Variants in SAMSN1 observed in about 807,000 individuals in gnomAD.
The protein encoded by SAMSN1 is SAM domain-containing protein SAMSN-1.
SAMSN1 carries 31 observed loss-of-function variants against 42.0 expected under a neutral mutation model. That is an observed-to-expected ratio of 0.74 (90% CI 0.55 to 1.00). The LOEUF is 1.00. SAMSN1 is among the 50% of genes least tolerant of loss of function. The pLI is 0.00. For synonymous variants in SAMSN1, 178 were observed against 151.9 expected (o/e 1.17, Z -1.26); for missense variants, 464 against 439.4 (o/e 1.06, Z -0.50).
At chr21:14,596,807 G>T (rs1050709029) in intron 6 of SAMSN1, among the ~76,000 whole-genome samples, 1 of 152,080 alleles carries the variant, frequency 6.6e-6, no homozygotes, top group Non-Finnish European at 1.5e-5. Flanking sequence ...CACCTTGAGC[G>T]ACACTAACCA....
chr21:14,485,651 C>T lies in SAMSN1; in HGVS notation c.*261G>A, dbSNP rs1986401400. 3.3e-6 allele frequency: 1 copy of T among 301,482 alleles called. No individual in the cohort carries two copies. The highest frequency in any genetic ancestry group is 2.2e-5 in the African/African-American group (1 of 45,956). The allele number at this position is 301,482 out of a possible 1,614,324, so 18.7% of individuals were successfully genotyped here. A position where few individuals can be genotyped will look rare whatever the true frequency, so the allele number is the denominator to read the frequency against. On this transcript the variant is annotated 3_prime_UTR_variant, in exon 8 of 8. Coordinates refer to ENST00000400566, the MANE Select transcript of SAMSN1 (RefSeq NM_022136.5). ...CAAATAAAGCATATGTCACACATACCAAAGTCTTACATTTTGCCTTTCTAA... is the reference window on the plus strand; with the variant it reads ...CAAATAAAGCATATGTCACACATACTAAAGTCTTACATTTTGCCTTTCTAA...
chr21:14,605,018 G>T (rs1320786868), intron 5 of SAMSN1, among the ~76,000 whole-genome samples: 2 of 152,210 alleles, frequency 1.3e-5, no homozygotes, highest in Non-Finnish European at 2.9e-5. Flanking sequence ...GAACTACATG[G>T]TAGATTACCA....
intron 2 of SAMSN1, among the ~76,000 whole-genome samples, chr21:14,622,995 C>T (rs1460756790): frequency 6.6e-6 from 1 of 152,140 alleles, no homozygotes; most frequent in Non-Finnish European, 1.5e-5. Context: ...AATTTTCAAC[C>T]CAGAATTTCA....
intron 2 of SAMSN1, among the ~76,000 whole-genome samples, chr21:14,581,677 A>C (rs1981736150): frequency 2.0e-5 from 3 of 151,884 alleles, no homozygotes; most frequent in Admixed American, 1.3e-4. Flanking sequence ...ATATTTCTTA[A>C]GGTAATATTT....
chr21:14,487,906 T>G (rs1986506293), intron 7 of SAMSN1, among the ~76,000 whole-genome samples: 1 of 152,170 alleles, frequency 6.6e-6, no homozygotes, highest in Admixed American at 6.6e-5. Flanking sequence ...GCATTTTGTG[T>G]GCATTATTCA....
intron 2 of SAMSN1, among the ~76,000 whole-genome samples, chr21:14,629,277 G>A (rs73894110): frequency 0.012 from 1,801 of 152,160 alleles, 26 homozygotes; most frequent in African/African-American, 0.04. Context: ...TGTTTTAAAG[G>A]TATTAATTAT....
chr21:14,632,169 G>A (rs1983346897), intron 2 of SAMSN1, among the ~76,000 whole-genome samples: 1 of 151,910 alleles, frequency 6.6e-6, no homozygotes, highest in African/African-American at 2.4e-5. Flanking sequence ...TGTGGTAGTA[G>A]CTGCTTGATT....
chr21:14,508,570 G>A (rs1251012814), intron 5 of SAMSN1, among the ~76,000 whole-genome samples: 2 of 152,172 alleles, frequency 1.3e-5, no homozygotes, highest in South Asian at 2.1e-4. Flanking sequence ...ATGTTAGCAT[G>A]GATGTACTGA....
intron 5 of SAMSN1, among the ~76,000 whole-genome samples, chr21:14,506,107 C>T (rs1987389027): frequency 6.6e-6 from 1 of 151,780 alleles, no homozygotes; most frequent in African/African-American, 2.4e-5. Context: ...CCCTAAACAC[C>T]TACATCAAAA....
chr21:14,523,771 C>T lies in SAMSN1; in HGVS notation c.58-2550G>A, dbSNP rs377541995. 7.9e-5 allele frequency among the ~76,000 whole-genome samples: 12 copies of T among 152,210 alleles called. No individual in the cohort carries two copies. The South Asian group carries it at 1.2e-3, about 16-fold the overall frequency. ...ATGGGTCCTGTTGCACAGGAGGGCA[C>T]AGAATAGACTCGTTTCAGCATTTTG... is the stretch of plus-strand genomic sequence containing the variant. On this transcript the variant is annotated intron_variant, in intron 1 of 7. Coordinates refer to ENST00000400566, the MANE Select transcript of SAMSN1 (RefSeq NM_022136.5).
chr21:14,512,168 T>C (rs1053833110), intron 4 of SAMSN1, among the ~76,000 whole-genome samples: 1 of 152,210 alleles, frequency 6.6e-6, no homozygotes, highest in Non-Finnish European at 1.5e-5. Flanking sequence ...ATTTTAAAGA[T>C]GCAGGTTTAA....
intron 3 of SAMSN1, among the ~76,000 whole-genome samples, chr21:14,613,394 G>A (rs1003724429): frequency 3.3e-4 from 50 of 152,128 alleles, no homozygotes; most frequent in Admixed American, 1.3e-4. Flanking sequence ...TACCATCTGA[G>A]CCCACTGAGC....
intron 1 of SAMSN1, among the ~76,000 whole-genome samples, chr21:14,543,803 C>A (rs1438398263): frequency 1.3e-5 from 2 of 152,004 alleles, no homozygotes; most frequent in Non-Finnish European, 2.9e-5. Context: ...AAATTCCTTT[C>A]ACAAATTCTA....
chr21:14,639,852 G>A (rs921020354), intron 2 of SAMSN1, among the ~76,000 whole-genome samples: 4 of 152,076 alleles, frequency 2.6e-5, no homozygotes, highest in Non-Finnish European at 5.9e-5. Context: ...TATACTGCAA[G>A]TGGATCACCT....
At chr21:14,510,098 C>T (rs1987615488) in intron 5 of SAMSN1, among the ~76,000 whole-genome samples, 1 of 151,048 alleles carries the variant, frequency 6.6e-6, no homozygotes, top group African/African-American at 2.4e-5. Flanking sequence ...GAGATTGCGC[C>T]ACTGCACTCC....
chr21:14,558,018 A>C (rs1039348273), intron 2 of SAMSN1, among the ~76,000 whole-genome samples: 1 of 152,150 alleles, frequency 6.6e-6, no homozygotes, highest in African/African-American at 2.4e-5. Flanking sequence ...ACCTCCACAA[A>C]GGGCTTTCTC....
intron 1 of SAMSN1, among the ~76,000 whole-genome samples, chr21:14,536,753 A>C (rs1979647647): frequency 2.6e-5 from 4 of 152,218 alleles, no homozygotes; most frequent in Admixed American, 2.6e-4. Flanking sequence ...GACTGTAAAC[A>C]ATGGAATGAG....
intron 2 of SAMSN1, among the ~76,000 whole-genome samples, chr21:14,519,514 A>G (rs1978328668): frequency 6.6e-6 from 1 of 152,104 alleles, no homozygotes; most frequent in Non-Finnish European, 1.5e-5. Flanking sequence ...ACACACACAC[A>G]CAAACACATA....
rs141980161 is a variant in SAMSN1, at chr21:14,499,280, G to A, written c.769-688C>T. Among the ~76,000 whole-genome samples the A allele has an allele frequency of 5.4e-3, 818 of 152,070 alleles. 11 individuals carry two copies. The highest frequency in any genetic ancestry group is 0.018 in the African/African-American group (762 of 41,504). ...ATTAGTTTAAAATTCATAGGTTTCC[G>A]ATTTCAAAGTCTGTATGTTATTTTG... On this transcript the variant is annotated intron_variant, in intron 6 of 7. Transcript: ENST00000400566.
Sources: gnomAD v4.1 joint callset for allele counts (sites outside exome capture counted in the v4.1 genomes callset) on GRCh38, gnomAD v4.1.1 for gene constraint, MANE v1.5 for transcripts, NCBI Gene and HGNC (gene_info 2026-07-23, HGNC 2026-07-21) for gene names.